NEBL: variants seen among roughly 807,000 people sequenced by gnomAD.
NEBL encodes the protein nebulette, also known as LIM and SH3 protein 2.
A neutral mutation model predicts 140.2 loss-of-function variants in NEBL; 122 were observed. The ratio of observed to expected loss-of-function variants is 0.87; its 90% CI spans 0.75 to 1.01. NEBL has a LOEUF of 1.01. Ranked by LOEUF, NEBL falls within the 50% of genes least tolerant of loss-of-function variation. NEBL has a pLI of 0.00. For missense variants in NEBL, 1,365 were observed against 1,231.3 expected (o/e 1.11, Z -1.62); for synonymous variants, 436 against 398.9 (o/e 1.09, Z -1.11).
At chr10:20,935,544 C>T (rs184924540) in intron 4 of NEBL, among the ~76,000 whole-genome samples, 3 of 152,238 alleles carry the variant, frequency 2.0e-5, no homozygotes, top group Non-Finnish European at 4.4e-5. Context: ...CAGATCTCCT[C>T]CTTTGCAAGG....
At chr10:20,953,353 T>C (rs1835598697) in intron 4 of NEBL, among the ~76,000 whole-genome samples, 2 of 152,060 alleles carry the variant, frequency 1.3e-5, no homozygotes, top group Middle Eastern at 3.2e-3. Context: ...AAGGCAAGTG[T>C]CTGCAAGCCA....
chr10:20,971,650 G>A (rs1356860198), intron 3 of NEBL, among the ~76,000 whole-genome samples: 3 of 122,456 alleles, frequency 2.4e-5, no homozygotes, highest in East Asian at 2.5e-4. Context: ...GTCTCACTCT[G>A]TCACCCAGGC....
At chr10:20,877,355 T>C (rs774695366) in intron 5 of NEBL, among the ~76,000 whole-genome samples, 3 of 152,216 alleles carry the variant, frequency 2.0e-5, no homozygotes, top group Non-Finnish European at 4.4e-5. Flanking sequence ...TTTTAACCAA[T>C]GTCTGACTCC....
rs1237964859 is a variant in NEBL at position 21,173,955 on chromosome 10, G to A, written c.-122C>T. On this transcript the variant is annotated 5_prime_UTR_variant, in exon 1 of 7. Transcript: ENST00000417816. This position sits in a 1 kb window ranked among gnomAD's most constrained non-coding sequence, Gnocchi z 5.7. ...GGGAGGGCTGCGGGCGGCGGGCGCC[G>A]GGTAGGGAGTCGGCGCCGGGCCACG... 3.9e-5 allele frequency: 53 copies of A among 1,374,684 alleles called. No homozygotes were observed. Among genetic ancestry groups the A allele is most frequent in the Non-Finnish European group, 4.6e-5 (50 of 1,075,340 alleles). 85.2% of individuals were successfully genotyped at this position (1,374,684 alleles called of 1,614,324 possible).
intron 4 of NEBL, among the ~76,000 whole-genome samples, chr10:20,924,785 T>C (rs1436108827): frequency 6.6e-6 from 1 of 152,056 alleles, no homozygotes; most frequent in African/African-American, 2.4e-5. Context: ...AGAAAGAGAT[T>C]ACAAACGGTC....
intron 2 of NEBL, among the ~76,000 whole-genome samples, chr10:21,084,621 T>C (rs1384114900): frequency 6.6e-6 from 1 of 151,422 alleles, no homozygotes; most frequent in African/African-American, 2.4e-5. Flanking sequence ...AAAATAAAAA[T>C]AAAAAACAGC....
At chr10:21,010,508 A>G (rs909716567) in intron 3 of NEBL, among the ~76,000 whole-genome samples, 5 of 151,070 alleles carry the variant, frequency 3.3e-5, no homozygotes, top group Non-Finnish European at 5.9e-5. Flanking sequence ...CCCACCTCGA[A>G]CTCCCAAAGC....
At chr10:20,808,810 T>C in intron 25 of NEBL, 151 bp from the exon 26 acceptor site, 2 of 806,018 alleles carry the variant, frequency 2.5e-6, no homozygotes, top group Middle Eastern at 3.0e-4. Flanking sequence ...ATTCCCAAAC[T>C]TCAGCATGCA....
chr10:21,167,593 A>G (rs973709376), intron 2 of NEBL, among the ~76,000 whole-genome samples: 1 of 152,326 alleles, frequency 6.6e-6, no homozygotes, highest in Admixed American at 6.5e-5. Context: ...CTCTCAAGAA[A>G]TTTTAAGAAC....
At chr10:20,994,581 T>C (rs1228837220) in intron 3 of NEBL, among the ~76,000 whole-genome samples, 4 of 152,268 alleles carry the variant, frequency 2.6e-5, no homozygotes, top group South Asian at 2.1e-4. Context: ...ATTAAGGGCA[T>C]TGACCCCCCC....
intron 4 of NEBL, among the ~76,000 whole-genome samples, chr10:20,914,571 G>T (rs1848460325): frequency 6.6e-6 from 1 of 151,994 alleles, no homozygotes; most frequent in African/African-American, 2.4e-5. Context: ...GCTTTGTTCA[G>T]GTTTTCTAAT....
chr10:21,292,434 C>T (rs1843157780), intron 1 of NEBL, among the ~76,000 whole-genome samples: 1 of 152,100 alleles, frequency 6.6e-6, no homozygotes, highest in Non-Finnish European at 1.5e-5. Context: ...ATGCAAAAGA[C>T]CACTTAGGAA....
chr10:21,032,669 C>CA (rs1833849030), intron 2 of NEBL, among the ~76,000 whole-genome samples: 1 of 151,870 alleles, frequency 6.6e-6, no homozygotes, highest in Non-Finnish European at 1.5e-5. Context: ...AACATAAAAG[C>CA]AAAAAATGGA....
intron 4 of NEBL, among the ~76,000 whole-genome samples, chr10:20,957,288 A>T (rs1217290028): frequency 6.6e-6 from 1 of 152,220 alleles, no homozygotes; most frequent in Non-Finnish European, 1.5e-5. Flanking sequence ...TTACATTCTA[A>T]GAAGTCAGTG....
At chr10:21,027,331 T>G (rs941746041) in intron 2 of NEBL, among the ~76,000 whole-genome samples, 4 of 151,170 alleles carry the variant, frequency 2.6e-5, no homozygotes, top group Non-Finnish European at 5.9e-5. Flanking sequence ...TTTTTGTTTT[T>G]TTTTTTTTAA....
chr10:21,202,748 A>C (rs1036947714), intron 3 of NEBL, among the ~76,000 whole-genome samples: 3 of 152,160 alleles, frequency 2.0e-5, no homozygotes, highest in Admixed American at 6.5e-5. Context: ...GGCGTGAGCC[A>C]CCACGCCCGG....
intron 4 of NEBL, among the ~76,000 whole-genome samples, chr10:20,942,059 G>T (rs1834900343): frequency 6.6e-6 from 1 of 152,184 alleles, no homozygotes; most frequent in South Asian, 2.1e-4. Context: ...AGCTACCAAT[G>T]ACTTTCTTCA....
intron 2 of NEBL, among the ~76,000 whole-genome samples, chr10:21,035,463 T>G (rs527588766): frequency 8.5e-5 from 13 of 152,270 alleles, no homozygotes; most frequent in African/African-American, 3.1e-4. Context: ...AATAAGCAAA[T>G]CACACTTTCT....
chr10:21,247,144 G>A (rs1252945526), intron 3 of NEBL, among the ~76,000 whole-genome samples: 1 of 151,980 alleles, frequency 6.6e-6, no homozygotes, highest in African/African-American at 2.4e-5. Flanking sequence ...GGACTCCCCC[G>A]CTATGCTTCC....
Sources: allele counts gnomAD v4.1 joint callset (sites outside exome capture counted in the v4.1 genomes callset), GRCh38; gene constraint gnomAD v4.1.1; non-coding constraint Gnocchi (gnomAD v3.1); transcripts MANE v1.5; gene names NCBI Gene and HGNC (gene_info 2026-07-23, HGNC 2026-07-21).